The following INTS9 variants were observed in gnomAD, a reference collection of about 807,000 sequenced individuals.
INTS9 encodes the protein integrator complex subunit 9.
A neutral mutation model predicts 79.7 loss-of-function variants in INTS9; 55 were observed. The observed-to-expected ratio is 0.69, with a 90% CI of 0.56 to 0.86. The LOEUF (loss-of-function observed/expected upper bound fraction) is 0.86. Ranked by LOEUF, INTS9 falls within the 40% of genes least tolerant of loss-of-function variation. The pLI is 0.00. For synonymous variants in INTS9, 319 were observed against 325.2 expected (o/e 0.98, Z 0.20); for missense variants, 721 against 831.5 (o/e 0.87, Z 1.64).
chr8:28,849,752 C>G (rs966941026), intron 3 of INTS9, among the ~76,000 whole-genome samples: 5 of 152,048 alleles, frequency 3.3e-5, no homozygotes, highest in Admixed American at 1.3e-4. Context: ...CAAAAAAGAC[C>G]CAAGCTTTTT....
chr8:28,780,049 CA>C (rs1438088087), intron 12 of INTS9, among the ~76,000 whole-genome samples: 3 of 111,468 alleles, frequency 2.7e-5, no homozygotes, highest in Non-Finnish European at 6.3e-5. Flanking sequence ...GATTTCAAAT[CA>C]AGGTTTTTTT....
chr8:28,779,776 C>T (rs577974435), intron 12 of INTS9, among the ~76,000 whole-genome samples: 11 of 152,168 alleles, frequency 7.2e-5, no homozygotes, highest in East Asian at 3.9e-4. Context: ...TGACCACAGG[C>T]GTGTTCCTGG....
intron 1 of INTS9, among the ~76,000 whole-genome samples, chr8:28,864,179 C>CA (rs1180839647): frequency 6.6e-6 from 1 of 151,896 alleles, no homozygotes; most frequent in East Asian, 1.9e-4. Context: ...CCTGTCTGTA[C>CA]AAAAAATAAA....
intron 11 of INTS9, among the ~76,000 whole-genome samples, 192 bp from the exon 12 acceptor site, chr8:28,781,186 T>C (rs558602938): frequency 7.8e-4 from 118 of 151,822 alleles, no homozygotes; most frequent in Non-Finnish European, 1.4e-3. Context: ...CTCCGAAACC[T>C]CAGCAAAAAG....
intron 15 of INTS9, 45 bp downstream of exon 15, chr8:28,770,937 T>G (rs1236613488): frequency 1.5e-6 from 2 of 1,371,360 alleles, no homozygotes; most frequent in South Asian, 2.4e-5. Flanking sequence ...GTCTGGTTTC[T>G]TGCTGGGGAG....
At chr8:28,842,906 A>G (rs1301498214) in intron 4 of INTS9, among the ~76,000 whole-genome samples, 2 of 152,240 alleles carry the variant, frequency 1.3e-5, no homozygotes, top group African/African-American at 4.8e-5. Flanking sequence ...TCCATAGAGT[A>G]CTGTGTGTGA....
intron 6 of INTS9, among the ~76,000 whole-genome samples, chr8:28,814,981 G>A (rs978319697): frequency 6.6e-6 from 1 of 151,952 alleles, no homozygotes; most frequent in Admixed American, 6.6e-5. Context: ...TTTTTTAATC[G>A]TTCAACTCTT....
intron 1 of INTS9, among the ~76,000 whole-genome samples, chr8:28,885,410 T>C (rs1446598451): frequency 2.6e-5 from 4 of 152,218 alleles, no homozygotes; most frequent in African/African-American, 9.7e-5. Flanking sequence ...AAAGTCACAT[T>C]CAAATTTGTG....
chr8:28,886,769 T>C (rs1810194904), intron 1 of INTS9, among the ~76,000 whole-genome samples: 1 of 152,114 alleles, frequency 6.6e-6, no homozygotes, highest in Non-Finnish European at 1.5e-5. Context: ...TTACTTCACC[T>C]CCCTGAAGCT....
chr8:28,848,093 C>A (rs1186227489), intron 3 of INTS9, among the ~76,000 whole-genome samples: 1 of 152,216 alleles, frequency 6.6e-6, no homozygotes. Context: ...GCCACTAATG[C>A]TTTCTCCTCT....
chr8:28,865,707 G>C (rs1337494023), intron 1 of INTS9, among the ~76,000 whole-genome samples: 2 of 152,088 alleles, frequency 1.3e-5, no homozygotes, highest in Admixed American at 1.3e-4. Flanking sequence ...TATTCTCTTT[G>C]TTGTTGGTGC....
intron 6 of INTS9, 47 bp downstream of exon 6, chr8:28,835,245 G>A: frequency 7.6e-7 from 1 of 1,309,702 alleles, no homozygotes; most frequent in Non-Finnish European, 1.1e-6. Context: ...GCTTTGCAAA[G>A]CACCTGGCTC....
At chr8:28,869,975 C>A (rs2131333189) in intron 1 of INTS9, among the ~76,000 whole-genome samples, 1 of 151,946 alleles carries the variant, frequency 6.6e-6, no homozygotes, top group East Asian at 1.9e-4. Context: ...GCAAAATTTC[C>A]CCAAGAGAAG....
chr8:28,823,715 T>C (rs551869603), intron 6 of INTS9, among the ~76,000 whole-genome samples: 3 of 151,228 alleles, frequency 2.0e-5, no homozygotes, highest in Non-Finnish European at 3.0e-5. Flanking sequence ...ATAGAGACAA[T>C]AGGTACATAA....
chr8:28,826,951 A>C (rs1264797809), intron 6 of INTS9, among the ~76,000 whole-genome samples: 1 of 152,102 alleles, frequency 6.6e-6, no homozygotes, highest in African/African-American at 2.4e-5. Flanking sequence ...ATCCTCTTTT[A>C]TTCTTTCTAG....
rs778700052 is a variant in INTS9 at position 28,768,387 on chromosome 8, C to T, written c.1801-65G>A. 4.8e-6 allele frequency: 7 copies of T among 1,457,874 alleles called. No individual in the cohort carries two copies. In the South Asian group the frequency reaches 6.8e-5, roughly 14 times the overall value. The allele number at this position is 1,457,874 out of a possible 1,614,324, so 90.3% of individuals were successfully genotyped here. A position where few individuals can be genotyped will look rare whatever the true frequency, so the allele number is the denominator to read the frequency against. On this transcript the variant is annotated intron_variant, in intron 16 of 16. Transcript: ENST00000521022. Reference sequence around the variant, plus strand: ...GCACATCTGTGAGATCTGTAAATGACACTTCACAGACTCGACTGAACTTTC... The same window carrying T: ...GCACATCTGTGAGATCTGTAAATGATACTTCACAGACTCGACTGAACTTTC...
intron 8 of INTS9, among the ~76,000 whole-genome samples, chr8:28,811,559 C>T (rs1197980585): frequency 6.6e-6 from 1 of 152,044 alleles, no homozygotes; most frequent in African/African-American, 2.4e-5. Context: ...GTAGCTGGGA[C>T]CACAGCGTGT....
At chr8:28,845,979 C>A (rs1200482731) in intron 4 of INTS9, among the ~76,000 whole-genome samples, 1 of 152,162 alleles carries the variant, frequency 6.6e-6, no homozygotes, top group African/African-American at 2.4e-5. Flanking sequence ...AGAGAAACTG[C>A]ACTCCAAATT....
chr8:28,831,545 A>T (rs1421331550), intron 6 of INTS9, among the ~76,000 whole-genome samples: 1 of 152,176 alleles, frequency 6.6e-6, no homozygotes, highest in Non-Finnish European at 1.5e-5. Context: ...CTTTAGCCTC[A>T]TTCATACTCT....
Sources: allele counts gnomAD v4.1 joint callset (sites outside exome capture counted in the v4.1 genomes callset), GRCh38; gene constraint gnomAD v4.1.1; transcripts MANE v1.5; gene names NCBI Gene and HGNC (gene_info 2026-07-23, HGNC 2026-07-21).